Variants in MICU3 observed in about 807,000 individuals in gnomAD.
The protein encoded by MICU3 is mitochondrial calcium uptake 3, also known as calcium uptake protein 3, mitochondrial.
In MICU3, 62 loss-of-function variants were observed where a neutral mutation model predicts 66.5. That is an observed-to-expected ratio of 0.93 (90% CI 0.76 to 1.15). The LOEUF (loss-of-function observed/expected upper bound fraction) is 1.15. MICU3 is among the 50% of genes most tolerant of loss of function. MICU3 has a pLI of 0.00. For synonymous variants in MICU3, 308 were observed against 240.7 expected (o/e 1.28, Z -2.59); for missense variants, 779 against 664.4 (o/e 1.17, Z -1.90).
At chr8:17,134,570 G>A in the MICU3 span, among the ~76,000 whole-genome samples, 3 of 152,000 alleles carry the variant, frequency 2.0e-5, no homozygotes, top group Admixed American at 6.6e-5. Flanking sequence ...TCAGCCTCCC[G>A]AGTAGGTGGG....
In MICU3 at chr8:17,027,630, G is replaced by T. The variant is rs1811230575; in HGVS notation, c.351G>T (p.Leu117=). 3 of 1,308,228 alleles carry T rather than the reference G, an allele frequency of 2.3e-6. No homozygotes were observed. Among genetic ancestry groups the T allele is most frequent in the Non-Finnish European group, 2.9e-6 (3 of 1,032,148 alleles). 81.0% of individuals were successfully genotyped at this position (1,308,228 alleles called of 1,614,324 possible). A position where few individuals can be genotyped will look rare whatever the true frequency, so the allele number is the denominator to read the frequency against. The change falls in exon 1 of 15, where the codon CTG becomes CTT. Residue 117 remains leucine, a synonymous_variant. Coordinates refer to ENST00000318063, the MANE Select transcript of MICU3 (RefSeq NM_181723.3). ...ACCCGCCCCGCGGCCGGGGGATGCT[G>T]CCCATCCCAGTGGCGGCTGCCAAGG... is the stretch of plus-strand genomic sequence containing the variant. The part of the protein sequence containing the change: ...PEDPPRGRGM[L]PIPVAAAKET...
At chr8:17,108,546 G>T (rs55822145) in intron 11 of MICU3, among the ~76,000 whole-genome samples, 13,915 of 151,882 alleles carry the variant, frequency 0.092, 2,160 homozygotes, top group African/African-American at 0.32. Context: ...CAAAATTTTG[G>T]ACTCCCTCTT....
intron 1 of MICU3, among the ~76,000 whole-genome samples, chr8:17,063,210 TG>T (rs1958197912): frequency 6.6e-6 from 1 of 152,182 alleles, no homozygotes; most frequent in East Asian, 1.9e-4. Context: ...TTTTAGATTC[TG>T]TCTTCTAATT....
intron 2 of MICU3, among the ~76,000 whole-genome samples, chr8:17,068,458 T>TA (rs1366995735): frequency 6.6e-6 from 1 of 152,214 alleles, no homozygotes; most frequent in Non-Finnish European, 1.5e-5. Context: ...CTTCTTTCCT[T>TA]ACTGCTATAT....
At chr8:17,105,708 A>C (rs1585526208) in intron 11 of MICU3, 124 bp downstream of exon 11, 1 of 501,894 alleles carries the variant, frequency 2.0e-6, no homozygotes, top group African/African-American at 2.0e-5. Context: ...GATGTGTTTC[A>C]TTCTGTGTCC....
chr8:17,064,144 C>T lies in MICU3; in HGVS notation c.442C>T (p.Arg148Ter), dbSNP rs1333364327. ...LDLYATSRER[R>*]FRLFASIECE... is the part of the protein sequence containing the mutation. ...CCTTTATGCCACATCTCGGGAGAGG[C>T]GATTTCGTTTATTTGCTTCTATAGA... Residue 148 changes from arginine to a stop codon, truncating the protein, a stop_gained, in exon 2 of 15, where the codon CGA (arginine) becomes TGA (stop). Transcript: ENST00000318063. LOFTEE classifies it high-confidence loss of function. 6 of 1,612,876 alleles carry T rather than the reference C, an allele frequency of 3.7e-6. No individual in the cohort carries two copies. Among genetic ancestry groups the T allele is most frequent in the Admixed American group, 1.7e-5 (1 of 59,986 alleles).
chr8:17,051,060 T>C (rs1815995150), intron 1 of MICU3, among the ~76,000 whole-genome samples: 1 of 152,158 alleles, frequency 6.6e-6, no homozygotes, highest in African/African-American at 2.4e-5. Flanking sequence ...TTAAATGGTT[T>C]TTTATATACA....
chr8:17,069,608 G>T, intron 2 of MICU3, 80 bp from the exon 3 acceptor site: 2 of 855,494 alleles, frequency 2.3e-6, no homozygotes, highest in South Asian at 3.8e-5. Context: ...TATGAGTTAT[G>T]GTTGTAGATG....
chr8:17,047,237 A>G (rs1352661241), intron 1 of MICU3, among the ~76,000 whole-genome samples: 1 of 152,260 alleles, frequency 6.6e-6, no homozygotes, highest in Non-Finnish European at 1.5e-5. Context: ...ATTGGAGGCC[A>G]GGTTGGCTAG....
At chr8:17,032,822 A>G (rs962361130) in intron 1 of MICU3, among the ~76,000 whole-genome samples, 15 of 152,182 alleles carry the variant, frequency 9.9e-5, no homozygotes, top group African/African-American at 3.6e-4. Flanking sequence ...CCAACATTAT[A>G]CGCGTACTTA....
the MICU3 span, among the ~76,000 whole-genome samples, chr8:17,138,113 A>G: frequency 1.3e-5 from 2 of 152,082 alleles, no homozygotes; most frequent in Non-Finnish European, 2.9e-5. Flanking sequence ...CATGATACCA[A>G]AGATGTCACC....
intron 5 of MICU3, among the ~76,000 whole-genome samples, chr8:17,082,388 A>T (rs1266403718): frequency 6.6e-6 from 1 of 152,072 alleles, no homozygotes; most frequent in Non-Finnish European, 1.5e-5. Context: ...TTTCCTTTCA[A>T]ATGTGAAAAT....
At chr8:17,112,221 A>G (rs1802269527) in intron 11 of MICU3, among the ~76,000 whole-genome samples, 1 of 152,206 alleles carries the variant, frequency 6.6e-6, no homozygotes, top group African/African-American at 2.4e-5. Flanking sequence ...TCAGTTGACC[A>G]TAAATATTTG....
At chr8:17,129,466 C>A in the MICU3 span, among the ~76,000 whole-genome samples, 2 of 152,022 alleles carry the variant, frequency 1.3e-5, no homozygotes, top group Non-Finnish European at 2.9e-5. Flanking sequence ...ACTATAAAAA[C>A]CAAATGAAAA....
At chr8:17,069,596 GT>G in intron 2 of MICU3, 91 bp from the exon 3 acceptor site, 1 of 736,462 alleles carries the variant, frequency 1.4e-6, no homozygotes. Flanking sequence ...TAAAAGTTTG[GT>G]TATGAGTTAT....
At chr8:17,088,027 G>A (rs192893509) in intron 7 of MICU3, among the ~76,000 whole-genome samples, 24 of 152,060 alleles carry the variant, frequency 1.6e-4, no homozygotes, top group Admixed American at 9.2e-4. Context: ...ATAAGAATAT[G>A]TATTAGGTTT....
At chr8:17,033,265 C>T (rs934508660) in intron 1 of MICU3, among the ~76,000 whole-genome samples, 1 of 152,118 alleles carries the variant, frequency 6.6e-6, no homozygotes, top group African/African-American at 2.4e-5. Context: ...GTTGTGAATG[C>T]AGCGGAAAAG....
At chr8:17,130,604 C>T in the MICU3 span, among the ~76,000 whole-genome samples, 20 of 151,894 alleles carry the variant, frequency 1.3e-4, no homozygotes, top group South Asian at 8.3e-4. Context: ...TTGGTAATAT[C>T]GCAAAGGACA....
At chr8:17,127,795 C>T in the MICU3 span, among the ~76,000 whole-genome samples, 22 of 152,174 alleles carry the variant, frequency 1.4e-4, no homozygotes, top group African/African-American at 5.3e-4. Context: ...TTCTGCTCCA[C>T]AATAGCTAAA....
Sources: allele counts gnomAD v4.1 joint callset (sites outside exome capture counted in the v4.1 genomes callset), GRCh38; gene constraint gnomAD v4.1.1; transcripts MANE v1.5; gene names NCBI Gene and HGNC (gene_info 2026-07-23, HGNC 2026-07-21).